Variants in CYBB observed in about 807,000 individuals in gnomAD.
CYBB encodes NADPH oxidase 2.
In CYBB, 5 loss-of-function variants were observed where a neutral mutation model predicts 46.5. The observed-to-expected ratio is 0.11, with a 90% CI of 0.06 to 0.23. The LOEUF (loss-of-function observed/expected upper bound fraction) is 0.23. Ranked by LOEUF, CYBB falls within the 10% of genes least tolerant of loss-of-function variation. CYBB has a pLI of 1.00. For synonymous variants in CYBB, 183 were observed against 156.7 expected, an observed-to-expected ratio of 1.17 and a Z score of -1.26; for missense variants, 307 against 428.3, an observed-to-expected ratio of 0.72 and a Z score of 2.50.
rs73632408 is a variant in CYBB at position 37,801,624 on chromosome X, G to T, written c.897+276G>T. The stretch of plus-strand genomic sequence containing the variant: ...TGTGTGTGTGTGTGTGTGTGTGTGT[G>T]TGTGTTTGTGTCTGTGTGTCTGTGT... On this transcript the variant is annotated intron_variant, in intron 8 of 12. Transcript: ENST00000378588. Among the ~76,000 whole-genome samples the T allele has an allele frequency of 0.01, 1,043 of 103,657 alleles. 15 individuals are homozygous for T. Among genetic ancestry groups the T allele is most frequent in the African/African-American group, 0.04 (989 of 24,854 alleles). 90.0% of individuals were successfully genotyped at this position (103,657 alleles called of 115,157 possible). A position where few individuals can be genotyped will look rare whatever the true frequency, so the allele number is the denominator to read the frequency against.
At chrX:37,781,993 AC>A in intron 1 of CYBB, 94 bp from the exon 2 acceptor site, 1 of 700,641 alleles carries the variant, frequency 1.4e-6, no homozygotes, top group African/African-American at 2.1e-5. Flanking sequence ...TCAAAGTTGG[AC>A]TTGGGGAAGT....
At position 37,796,015 on chromosome X, in the gene CYBB, C is replaced by T. The variant is rs782237016; in HGVS notation, c.548C>T (p.Thr183Met). The T allele has an allele frequency of 4.1e-6, 5 of 1,206,461 alleles. No individual in the cohort carries two copies. Among genetic ancestry groups the T allele is most frequent in the African/African-American group, 3.5e-5 (2 of 56,890 alleles). The change falls in exon 6 of 13, where the codon ACG becomes ATG. Residue 183 changes from threonine to methionine, a missense_variant. By Grantham distance (81) the Thr-to-Met change is moderately conservative. This residue lies in a region of CYBB where 103 missense variants were observed against 150.2 expected (regional missense o/e 0.69). Transcript: ENST00000378588. Reference sequence around the variant, plus strand: ...GCAGGCATCACTGGAGTTGTCATCACGCTGTGCCTCATATTAATTATCACT... The same window carrying T: ...GCAGGCATCACTGGAGTTGTCATCATGCTGTGCCTCATATTAATTATCACT... ...LLAGITGVVI[T>M]LCLILIITSS...
chrX:37,782,307 T>C, intron 2 of CYBB, 124 bp downstream of exon 2: 3 of 526,621 alleles, frequency 5.7e-6, no homozygotes, highest in Non-Finnish European at 1.0e-5. Flanking sequence ...ACCATTAGCC[T>C]CACTCCCTCC....
intron 2 of CYBB, 91 bp from the exon 3 acceptor site, chrX:37,783,399 G>A: frequency 3.4e-6 from 2 of 586,696 alleles, no homozygotes; most frequent in Non-Finnish European, 5.9e-6. Context: ...TCTCTGGTGT[G>A]TGGCCTCATG....
rs1207401072 is a variant in CYBB at position 37,812,348 on chromosome X, C to T, written c.*1431C>T. The T allele has an allele frequency of 1.8e-5, 2 of 110,576 alleles. No homozygotes were observed. The highest frequency in any genetic ancestry group is 3.8e-5 in the Non-Finnish European group (2 of 52,938). The allele number at this position is 110,576 out of a possible 1,213,427, so 9.1% of individuals were successfully genotyped here. ...ACAAATGTTTAGAACTCTTCAACTT[C>T]GGTAATGAGGAAGAAGGAGAAAGAG... On this transcript the variant is annotated 3_prime_UTR_variant, in exon 13 of 13. Coordinates refer to ENST00000378588, the MANE Select transcript of CYBB (RefSeq NM_000397.4).
intron 5 of CYBB, among the ~76,000 whole-genome samples, chrX:37,795,098 A>G (rs1230292849): frequency 9.0e-6 from 1 of 111,429 alleles, no homozygotes; most frequent in Non-Finnish European, 1.9e-5. Flanking sequence ...CTTTTACTGT[A>G]TCTATGCTCT....
chrX:37,782,364 A>G (rs1928970373), intron 2 of CYBB, among the ~76,000 whole-genome samples, 181 bp downstream of exon 2: 1 of 112,328 alleles, frequency 8.9e-6, no homozygotes, highest in Non-Finnish European at 1.9e-5. Context: ...CCAGTCTGGG[A>G]CCAACAAAAG....
chrX:37,801,147 A>T, intron 7 of CYBB, 109 bp from the exon 8 acceptor site: 1 of 561,087 alleles, frequency 1.8e-6, no homozygotes, highest in Non-Finnish European at 3.3e-6. Flanking sequence ...TCAAATATTT[A>T]AGCAAGCCTA....
At chrX:37,795,451 C>T (rs1273150922) in intron 5 of CYBB, among the ~76,000 whole-genome samples, 2 of 111,842 alleles carry the variant, frequency 1.8e-5, no homozygotes, top group East Asian at 2.8e-4. Context: ...ATTCCCTACT[C>T]TCTTACCAGT....
chrX:37,789,347 T>A (rs1358401310), intron 3 of CYBB, among the ~76,000 whole-genome samples: 1 of 110,291 alleles, frequency 9.1e-6, no homozygotes, highest in Non-Finnish European at 1.9e-5. Flanking sequence ...TTTTCACAGG[T>A]CCAAACTCAA....
intron 3 of CYBB, among the ~76,000 whole-genome samples, chrX:37,787,853 T>C (rs1929104742): frequency 9.0e-6 from 1 of 111,462 alleles, no homozygotes; most frequent in African/African-American, 3.3e-5. Context: ...TGGCTTCTTT[T>C]TGGATTTGTT....
At chrX:37,799,200 GAACAGCTAAA>G in intron 7 of CYBB, 116 bp downstream of exon 7, 1 of 726,547 alleles carries the variant, frequency 1.4e-6, no homozygotes, top group Non-Finnish European at 2.1e-6. Flanking sequence ...AAATGTCATG[GAACAGCTAAA>G]ACATGTGTCT....
chrX:37,808,211 C>G (rs782215135), intron 11 of CYBB, among the ~76,000 whole-genome samples: 1 of 111,606 alleles, frequency 9.0e-6, no homozygotes, highest in East Asian at 2.8e-4. Context: ...AGTCCAAGAT[C>G]AAGACACCAA....
intron 9 of CYBB, 39 bp downstream of exon 9, chrX:37,804,169 A>G: frequency 1.7e-6 from 2 of 1,189,460 alleles, no homozygotes; most frequent in South Asian, 1.8e-5. Context: ...ATATGAGTTC[A>G]GGAAAAATGG....
At chrX:37,804,339 AAAT>A (rs1189808742) in intron 9 of CYBB, among the ~76,000 whole-genome samples, 3 of 111,894 alleles carry the variant, frequency 2.7e-5, no homozygotes, top group African/African-American at 9.8e-5. Context: ...ACCTTGAATC[AAAT>A]ATTAGAAATA....
chrX:37,793,954 G>A (rs1393772602), intron 5 of CYBB, 144 bp downstream of exon 5: 2 of 515,722 alleles, frequency 3.9e-6, no homozygotes, highest in African/African-American at 2.4e-5. Context: ...TTACAATAAT[G>A]GGAGTATAGA....
intron 8 of CYBB, 31 bp from the exon 9 acceptor site, chrX:37,803,846 G>A: frequency 8.3e-7 from 1 of 1,206,730 alleles, no homozygotes; most frequent in Non-Finnish European, 1.1e-6. Flanking sequence ...TAGGAAAAAT[G>A]TCATTTCCAG....
chrX:37,790,915 T>C (rs1929185676), intron 3 of CYBB, among the ~76,000 whole-genome samples: 1 of 111,631 alleles, frequency 9.0e-6, no homozygotes, highest in South Asian at 3.7e-4. Context: ...AGCAAGACAT[T>C]GGCCAGTTTT....
intron 5 of CYBB, among the ~76,000 whole-genome samples, chrX:37,794,766 T>A (rs1440761937): frequency 3.6e-5 from 4 of 111,560 alleles, no homozygotes; most frequent in African/African-American, 1.3e-4. Flanking sequence ...AAGCTCCAAG[T>A]CTTCATGCAC....
Sources: allele counts gnomAD v4.1 joint callset (sites outside exome capture counted in the v4.1 genomes callset), GRCh38; gene constraint gnomAD v4.1.1; regional missense constraint gnomAD v4.1.1; transcripts MANE v1.5; gene names NCBI Gene and HGNC (gene_info 2026-07-23, HGNC 2026-07-21).